ZMAT5: variants seen among roughly 807,000 people sequenced by gnomAD.
ZMAT5 encodes zinc finger matrin-type 5, also known as zinc finger matrin-type protein 5.
A neutral mutation model predicts 28.0 loss-of-function variants in ZMAT5; 23 were observed. That is an observed-to-expected ratio of 0.82 (90% confidence interval 0.59 to 1.16). The LOEUF (loss-of-function observed/expected upper bound fraction) is 1.16. Among genes scored for constraint, ZMAT5 ranks in the 50% most tolerant of loss-of-function variants. The probability of loss-of-function intolerance (pLI) is 0.00; values close to 1 mark genes in which losing one functional copy is unlikely to be tolerated. For missense variants in ZMAT5, 173 were observed against 212.7 expected, an observed-to-expected ratio of 0.81 and a Z score of 1.16; for synonymous variants, 76 against 84.1, an observed-to-expected ratio of 0.90 and a Z score of 0.52.
intron 4 of ZMAT5, among the ~76,000 whole-genome samples, chr22:29,740,002 G>C (rs1041688669): frequency 6.6e-6 from 1 of 152,232 alleles, no homozygotes; most frequent in African/African-American, 2.4e-5. Context: ...GAGAGACCTG[G>C]AGTCTGCCCC....
At chr22:29,738,290 C>T (rs1601716965) in intron 5 of ZMAT5, 40 bp downstream of exon 5, 1 of 1,582,248 alleles carries the variant, frequency 6.3e-7, no homozygotes, top group Middle Eastern at 1.7e-4. Context: ...GGGTTTTGCC[C>T]CCAGGGGGCA....
At chr22:29,761,437 A>ACAGCACTTTGGGAGGCAG (rs1436995993) in intron 1 of ZMAT5, among the ~76,000 whole-genome samples, 1 of 152,016 alleles carries the variant, frequency 6.6e-6, no homozygotes, top group Non-Finnish European at 1.5e-5. Context: ...AAAATTAGCC[A>ACAGCACTTTGGGAGGCAG]GACATGGTGG....
chr22:29,736,669 G>A (rs1345308289), intron 5 of ZMAT5, among the ~76,000 whole-genome samples: 6 of 140,080 alleles, frequency 4.3e-5, no homozygotes, highest in East Asian at 2.2e-4. Context: ...GCAGTGAGCC[G>A]AGATCGTGCC....
chr22:29,756,464 T>C (rs1318709074), intron 1 of ZMAT5, among the ~76,000 whole-genome samples: 1 of 152,176 alleles, frequency 6.6e-6, no homozygotes, highest in Non-Finnish European at 1.5e-5. Flanking sequence ...CTCATCCCTG[T>C]GTTTGCCTCC....
chr22:29,744,531 C>T (rs1413902293), intron 2 of ZMAT5, among the ~76,000 whole-genome samples: 4 of 151,236 alleles, frequency 2.6e-5, no homozygotes, highest in Non-Finnish European at 4.4e-5. Flanking sequence ...CACTGCCTGC[C>T]TTTCCCTGAG....
At chr22:29,754,832 G>A (rs751778037) in intron 1 of ZMAT5, among the ~76,000 whole-genome samples, 2 of 152,092 alleles carry the variant, frequency 1.3e-5, no homozygotes, top group East Asian at 1.9e-4. Context: ...CTGAGATTGC[G>A]CCACTACACT....
intron 1 of ZMAT5, among the ~76,000 whole-genome samples, chr22:29,750,431 T>C (rs1193031456): frequency 6.6e-6 from 1 of 152,180 alleles, no homozygotes; most frequent in Non-Finnish European, 1.5e-5. Flanking sequence ...TGAAAACATT[T>C]TGGGGTCTTA....
intron 1 of ZMAT5, among the ~76,000 whole-genome samples, chr22:29,750,217 G>A (rs533639579): frequency 7.2e-5 from 11 of 152,140 alleles, no homozygotes; most frequent in Non-Finnish European, 1.6e-4. Context: ...GGTTCAGAGA[G>A]GGAGTGTGAT....
intron 5 of ZMAT5, among the ~76,000 whole-genome samples, chr22:29,733,820 T>C (rs1401047738): frequency 6.6e-6 from 1 of 152,214 alleles, no homozygotes; most frequent in African/African-American, 2.4e-5. Context: ...TGCCCCTGCC[T>C]GCCCTGAGGT....
intron 1 of ZMAT5, among the ~76,000 whole-genome samples, chr22:29,756,476 G>A (rs1347659857): frequency 1.3e-5 from 2 of 152,126 alleles, no homozygotes; most frequent in Non-Finnish European, 2.9e-5. Context: ...TTTGCCTCCT[G>A]CCCTCCCCTG....
intron 1 of ZMAT5, among the ~76,000 whole-genome samples, chr22:29,756,784 A>G (rs1569340487): frequency 6.6e-6 from 1 of 152,138 alleles, no homozygotes; most frequent in Non-Finnish European, 1.5e-5. Flanking sequence ...ATGGTGGCGC[A>G]CACCTTTAAT....
At chr22:29,764,243 G>C (rs1022292318) in intron 1 of ZMAT5, among the ~76,000 whole-genome samples, 6 of 152,200 alleles carry the variant, frequency 3.9e-5, no homozygotes, top group South Asian at 4.1e-4. Context: ...CCATCAGCCA[G>C]ATTGGTTGGA....
chr22:29,755,808 C>G (rs2068096556), intron 1 of ZMAT5, among the ~76,000 whole-genome samples: 1 of 152,182 alleles, frequency 6.6e-6, no homozygotes, highest in African/African-American at 2.4e-5. Flanking sequence ...GTGCCATGGA[C>G]CCCCACATCC....
At chr22:29,745,697 A>G (rs1210029936) in intron 2 of ZMAT5, among the ~76,000 whole-genome samples, 1 of 152,218 alleles carries the variant, frequency 6.6e-6, no homozygotes, top group Admixed American at 6.5e-5. Context: ...AGTGTTAGTG[A>G]GTGACACCTG....
rs55706109 is a variant in ZMAT5, at chr22:29,738,296, G to T, written c.383+34C>A. On this transcript the variant is annotated intron_variant, in intron 5 of 5. Coordinates refer to ENST00000344318, the MANE Select transcript of ZMAT5 (RefSeq NM_001003692.2). ...GGCGGGCTGGGGTTTTGCCCCCAGG[G>T]GGCACAGCGGGAGGGAACCCTGGGG... The T allele has an allele frequency of 3.5e-3, 5,637 of 1,588,440 alleles. 13 individuals are homozygous for T. The highest frequency in any genetic ancestry group is 4.2e-3 in the Non-Finnish European group (4,947 of 1,165,032).
At chr22:29,736,182 C>T (rs991395249) in intron 5 of ZMAT5, among the ~76,000 whole-genome samples, 4 of 152,186 alleles carry the variant, frequency 2.6e-5, no homozygotes, top group East Asian at 1.9e-4. Context: ...CTTTTGCACA[C>T]GGGCTGAAGG....
chr22:29,749,709 G>T (rs1168324623), intron 1 of ZMAT5, among the ~76,000 whole-genome samples: 3 of 152,108 alleles, frequency 2.0e-5, no homozygotes, highest in Non-Finnish European at 4.4e-5. Context: ...TAATCCCCAG[G>T]TGTCCAGGGA....
At chr22:29,733,619 G>A (rs1025126073) in intron 5 of ZMAT5, among the ~76,000 whole-genome samples, 3 of 152,220 alleles carry the variant, frequency 2.0e-5, no homozygotes, top group Non-Finnish European at 4.4e-5. Flanking sequence ...GGGAGGCTCC[G>A]CAGTTGCTGG....
chr22:29,738,389 G>A lies in ZMAT5; in HGVS notation c.324C>T (p.Gly108=). The change falls in exon 5 of 6, where the codon GGC becomes GGT. Residue 108 remains glycine (G), a synonymous_variant. Coordinates refer to ENST00000344318, the MANE Select transcript of ZMAT5 (RefSeq NM_001003692.2). The part of the protein sequence containing the change: ...WLLDAPELPE[G]HLEDWLEKRA... Reference sequence around the variant, plus strand: ...TCTTCTCCAGCCAGTCCTCCAGATGGCCCTCGGGGAGCTCAGGAGCATCTA... The same window carrying A: ...TCTTCTCCAGCCAGTCCTCCAGATGACCCTCGGGGAGCTCAGGAGCATCTA... The A allele has an allele frequency of 6.2e-7, 1 of 1,609,920 alleles. No homozygotes were observed. Among genetic ancestry groups the A allele is most frequent in the Non-Finnish European group, 8.5e-7 (1 of 1,179,610 alleles).
Sources: gnomAD v4.1 joint callset for allele counts (sites outside exome capture counted in the v4.1 genomes callset) on GRCh38, gnomAD v4.1.1 for gene constraint, MANE v1.5 for transcripts, NCBI Gene and HGNC (gene_info 2026-07-23, HGNC 2026-07-21) for gene names.